CLSTN2: variants seen among roughly 807,000 people sequenced by gnomAD.
The protein encoded by CLSTN2 is calsyntenin 2.
CLSTN2 carries 48 observed loss-of-function variants against 101.2 expected under a neutral mutation model. The observed-to-expected ratio is 0.47, with a 90% CI of 0.38 to 0.60. CLSTN2 has a LOEUF of 0.60. Ranked by LOEUF, CLSTN2 falls within the 20% of genes least tolerant of loss-of-function variation. The pLI is 0.00. For missense variants in CLSTN2, 1,160 were observed against 1,238.2 expected (o/e 0.94, Z 0.95); for synonymous variants, 481 against 463.6 (o/e 1.04, Z -0.48).
intron 1 of CLSTN2, among the ~76,000 whole-genome samples, chr3:139,944,057 G>A (rs1261709075): frequency 6.6e-6 from 1 of 152,128 alleles, no homozygotes; most frequent in Non-Finnish European, 1.5e-5. Flanking sequence ...AATAGTTAAT[G>A]CTTTCATCTT....
intron 1 of CLSTN2, among the ~76,000 whole-genome samples, chr3:140,034,966 C>A (rs2107761372): frequency 6.6e-6 from 1 of 152,328 alleles, no homozygotes; most frequent in Middle Eastern, 3.4e-3. Flanking sequence ...TATCCACACA[C>A]AAATCTTTTC....
Position 139,996,638 on chromosome 3 carries a change from T to G in CLSTN2, c.109+61155T>G, listed in dbSNP as rs2006667376. On this transcript the variant is annotated intron_variant, in intron 1 of 16. Coordinates refer to ENST00000458420, the MANE Select transcript of CLSTN2 (RefSeq NM_022131.3). ...TGAACACTGAGTATTGTCAGACTTCTTATTTTTCCAACTGAATGAATTCTC... is the reference window on the plus strand; with the variant it reads ...TGAACACTGAGTATTGTCAGACTTCGTATTTTTCCAACTGAATGAATTCTC... 1.3e-5 allele frequency among the ~76,000 whole-genome samples: 2 copies of G among 152,240 alleles called. 1 individual carries two copies. The highest frequency in any genetic ancestry group is 4.1e-4 in the South Asian group (2 of 4,832).
chr3:140,051,640 G>A (rs1405245141), intron 1 of CLSTN2, among the ~76,000 whole-genome samples: 3 of 152,174 alleles, frequency 2.0e-5, no homozygotes, highest in African/African-American at 7.2e-5. Flanking sequence ...TACTTCCAGA[G>A]AACAGTGGTT....
intron 1 of CLSTN2, among the ~76,000 whole-genome samples, chr3:139,973,543 G>A (rs891655295): frequency 2.6e-5 from 4 of 152,204 alleles, no homozygotes; most frequent in African/African-American, 9.6e-5. Flanking sequence ...ACAGGGGTGT[G>A]TGGGGTAGAG....
chr3:140,211,843 A>G (rs944286352), intron 2 of CLSTN2, among the ~76,000 whole-genome samples: 4 of 152,086 alleles, frequency 2.6e-5, no homozygotes, highest in African/African-American at 9.7e-5. Context: ...AAAGAAAGAA[A>G]CGGATGCTTT....
Position 140,458,433 on chromosome 3 carries a change from G to A in CLSTN2, c.974-1088G>A, listed in dbSNP as rs148086832. ...CTGCAAGTTCCTGGCCCTCCTTCCC[G>A]TAGTGCTTGAGCCCTGTCTGTGTAT... On this transcript the variant is annotated intron_variant, in intron 6 of 16. Coordinates refer to ENST00000458420, the MANE Select transcript of CLSTN2 (RefSeq NM_022131.3). Among the ~76,000 whole-genome samples the A allele has an allele frequency of 7.2e-4, 109 of 152,080 alleles. 1 individual carries two copies. Among genetic ancestry groups the A allele is most frequent in the African/African-American group, 2.0e-3 (82 of 41,460 alleles).
intron 1 of CLSTN2, among the ~76,000 whole-genome samples, chr3:140,099,520 G>T (rs1439142222): frequency 1.3e-5 from 2 of 152,110 alleles, no homozygotes; most frequent in Non-Finnish European, 2.9e-5. Flanking sequence ...AAATACATCT[G>T]CAGAGACCCT....
chr3:140,573,475 C>T lies in CLSTN2; in HGVS notation c.*7222C>T, dbSNP rs924988393. On this transcript the variant is annotated 3_prime_UTR_variant, in exon 17 of 17. Coordinates refer to ENST00000458420, the MANE Select transcript of CLSTN2 (RefSeq NM_022131.3). Reference sequence around the variant, plus strand: ...TAAAGTCTGTGAGGCTGCCAGGATTCACCAATTCTCCTTTCCCCTGAGGCC... The same window carrying T: ...TAAAGTCTGTGAGGCTGCCAGGATTTACCAATTCTCCTTTCCCCTGAGGCC... 1 of 152,200 alleles carries T rather than the reference C, an allele frequency of 6.6e-6. No individual in the cohort carries two copies. The highest frequency in any genetic ancestry group is 2.4e-5 in the African/African-American group (1 of 41,440). 9.4% of individuals were successfully genotyped at this position (152,200 alleles called of 1,614,324 possible).
chr3:140,542,396 T>C (rs897989659), intron 9 of CLSTN2, among the ~76,000 whole-genome samples: 1 of 152,150 alleles, frequency 6.6e-6, no homozygotes, highest in Non-Finnish European at 1.5e-5. Context: ...TCCAAAATCA[T>C]GTTTGCAAAC....
In CLSTN2 at chr3:140,236,036, T is replaced by A. The variant is rs376484176; in HGVS notation, c.232+59963T>A. Reference sequence around the variant, plus strand: ...CTCATTCTGTGTCCCTGAGCAAGTGTTAGCCCCATTCTGAGCCTCAAGTAA... The same window carrying A: ...CTCATTCTGTGTCCCTGAGCAAGTGATAGCCCCATTCTGAGCCTCAAGTAA... On this transcript the variant is annotated intron_variant, in intron 2 of 16. Coordinates refer to ENST00000458420, the MANE Select transcript of CLSTN2 (RefSeq NM_022131.3). Among the ~76,000 whole-genome samples, 135 of 152,216 alleles carry A rather than the reference T, an allele frequency of 8.9e-4. 3 individuals carry two copies. In the South Asian group the frequency reaches 0.028, roughly 31 times the overall value.
At chr3:140,452,021 A>G (rs1268445005) in intron 6 of CLSTN2, among the ~76,000 whole-genome samples, 1 of 152,188 alleles carries the variant, frequency 6.6e-6, no homozygotes, top group Non-Finnish European at 1.5e-5. Context: ...GCAAGACTCA[A>G]TGATTGATTA....
intron 7 of CLSTN2, among the ~76,000 whole-genome samples, chr3:140,465,495 A>G (rs998532801): frequency 9.8e-5 from 15 of 152,320 alleles, no homozygotes; most frequent in Middle Eastern, 6.8e-3. Context: ...CACTAGGAAC[A>G]TGGTCATGGA....
At chr3:140,496,994 G>T (rs575667542) in intron 8 of CLSTN2, among the ~76,000 whole-genome samples, 3 of 152,070 alleles carry the variant, frequency 2.0e-5, no homozygotes, top group South Asian at 2.1e-4. Flanking sequence ...CCAGCTACTC[G>T]GGAGGCTGAG....
At chr3:140,288,585 T>C (rs555231339) in intron 2 of CLSTN2, among the ~76,000 whole-genome samples, 45 of 152,238 alleles carry the variant, frequency 3.0e-4, no homozygotes, top group Non-Finnish European at 5.7e-4. Flanking sequence ...ACATCATTTC[T>C]GTGGTTTGTA....
chr3:140,492,858 G>T (rs1319493314), intron 8 of CLSTN2, among the ~76,000 whole-genome samples: 1 of 152,142 alleles, frequency 6.6e-6, no homozygotes, highest in East Asian at 1.9e-4. Context: ...GGGATGAGAA[G>T]AGCTCCAGAA....
At chr3:140,464,545 C>G (rs182104784) in intron 7 of CLSTN2, among the ~76,000 whole-genome samples, 1 of 152,334 alleles carries the variant, frequency 6.6e-6, no homozygotes, top group Admixed American at 6.5e-5. Context: ...TATGAGTTGA[C>G]TCTTCGAATT....
intron 10 of CLSTN2, among the ~76,000 whole-genome samples, chr3:140,556,048 G>T (rs1360878015): frequency 1.3e-5 from 2 of 152,220 alleles, no homozygotes; most frequent in Non-Finnish European, 2.9e-5. Flanking sequence ...GAGCTTGAAG[G>T]TTGGAAGCTA....
chr3:139,958,893 G>A lies in CLSTN2; in HGVS notation c.109+23410G>A, dbSNP rs78260423. On this transcript the variant is annotated intron_variant, in intron 1 of 16. Transcript: ENST00000458420. ...ATGTGATGAAATGTGTTAAATGATA[G>A]TGTCATTCATTTGCCTGTTTGGTGT... 9.3e-4 allele frequency among the ~76,000 whole-genome samples: 139 copies of A among 149,464 alleles called. 1 individual carries two copies. Among genetic ancestry groups the A allele is most frequent in the African/African-American group, 3.3e-3 (132 of 40,406 alleles).
intron 2 of CLSTN2, 94 bp from the exon 3 acceptor site, chr3:140,403,535 A>C (rs1046760173): frequency 1.3e-5 from 13 of 1,033,088 alleles, no homozygotes; most frequent in Non-Finnish European, 1.7e-5. Flanking sequence ...AATTGCATGG[A>C]GGCTTTGAGT....
Sources: gnomAD v4.1 joint callset for allele counts (sites outside exome capture counted in the v4.1 genomes callset) on GRCh38, gnomAD v4.1.1 for gene constraint, MANE v1.5 for transcripts, NCBI Gene and HGNC (gene_info 2026-07-23, HGNC 2026-07-21) for gene names.